Variants in GALNTL6 observed in about 807,000 individuals in gnomAD.
The protein encoded by GALNTL6 is polypeptide N-acetylgalactosaminyltransferase like 6, also known as polypeptide N-acetylgalactosaminyltransferase-like 6.
GALNTL6 carries 46 observed loss-of-function variants against 73.7 expected under a neutral mutation model. The observed-to-expected ratio is 0.62, with a 90% CI of 0.49 to 0.80. The LOEUF (loss-of-function observed/expected upper bound fraction) is 0.80. Among genes scored for constraint, GALNTL6 ranks in the 30% least tolerant of loss-of-function variants. The pLI is 0.00. For synonymous variants in GALNTL6, 259 were observed against 263.7 expected, an observed-to-expected ratio of 0.98 and a Z score of 0.17; for missense variants, 604 against 755.0, an observed-to-expected ratio of 0.80 and a Z score of 2.34.
chr4:171,906,549 A>G (rs12650690), intron 2 of GALNTL6, among the ~76,000 whole-genome samples: 89,776 of 151,782 alleles, frequency 0.59, 28,567 homozygotes, highest in African/African-American at 0.85. Context: ...ATTCACAGCC[A>G]AATTCTACCA....
intron 2 of GALNTL6, among the ~76,000 whole-genome samples, chr4:172,170,906 T>A (rs1320803174): frequency 6.6e-6 from 1 of 152,248 alleles, no homozygotes. Context: ...TTTACATATG[T>A]GCATGGTGAT....
At chr4:172,624,744 A>C (rs1560841859) in intron 5 of GALNTL6, among the ~76,000 whole-genome samples, 1 of 151,032 alleles carries the variant, frequency 6.6e-6, no homozygotes, top group Non-Finnish European at 1.5e-5. Flanking sequence ...TGTATTCATC[A>C]CCTTGTTTTC....
intron 12 of GALNTL6, among the ~76,000 whole-genome samples, chr4:173,031,908 G>A (rs2126534978): frequency 6.6e-6 from 1 of 152,306 alleles, no homozygotes; most frequent in South Asian, 2.1e-4. Context: ...TCAGAAGGGT[G>A]AAGAAGCCTT....
intron 5 of GALNTL6, among the ~76,000 whole-genome samples, chr4:172,685,065 G>A (rs1429331028): frequency 1.3e-5 from 2 of 151,960 alleles, no homozygotes; most frequent in African/African-American, 2.4e-5. Flanking sequence ...CACATATTAA[G>A]CATTCTATTA....
chr4:172,585,418 C>T (rs1338671096), intron 5 of GALNTL6, among the ~76,000 whole-genome samples: 1 of 152,140 alleles, frequency 6.6e-6, no homozygotes, highest in African/African-American at 2.4e-5. Flanking sequence ...CCCTCCACCT[C>T]CTGACACGCC....
At chr4:172,379,994 G>A (rs1230765572) in intron 5 of GALNTL6, 1 of 862,216 alleles carries the variant, frequency 1.2e-6, no homozygotes, top group African/African-American at 1.7e-5. Flanking sequence ...TGGCAGAACA[G>A]GAGAAGTGAT....
intron 7 of GALNTL6, among the ~76,000 whole-genome samples, chr4:172,879,905 ACACT>A (rs1745371267): frequency 6.6e-6 from 1 of 151,912 alleles, no homozygotes; most frequent in Non-Finnish European, 1.5e-5. Flanking sequence ...AATGATACAA[ACACT>A]TTAACATTAT....
chr4:171,914,986 A>T (rs1406528001), intron 2 of GALNTL6, among the ~76,000 whole-genome samples: 1 of 151,512 alleles, frequency 6.6e-6, no homozygotes, highest in Non-Finnish European at 1.5e-5. Context: ...ATATTTCTGT[A>T]TCTATTTTTC....
At chr4:172,635,667 C>CATATG (rs1739638533) in intron 5 of GALNTL6, among the ~76,000 whole-genome samples, 1 of 152,082 alleles carries the variant, frequency 6.6e-6, no homozygotes, top group South Asian at 2.1e-4. Flanking sequence ...TTTAAACATT[C>CATATG]CTTGTAAAAC....
chr4:173,011,008 C>T (rs1752530172), intron 11 of GALNTL6, among the ~76,000 whole-genome samples: 1 of 152,156 alleles, frequency 6.6e-6, no homozygotes, highest in African/African-American at 2.4e-5. Context: ...TCCGTATCCT[C>T]AACAGCATTT....
intron 2 of GALNTL6, among the ~76,000 whole-genome samples, chr4:172,055,786 A>C (rs776506473): frequency 6.6e-6 from 1 of 152,178 alleles, no homozygotes; most frequent in African/African-American, 2.4e-5. Context: ...AACGTGGGCC[A>C]GTTATCAGGG....
At chr4:172,969,036 G>A (rs945953793) in intron 10 of GALNTL6, among the ~76,000 whole-genome samples, 5 of 152,068 alleles carry the variant, frequency 3.3e-5, no homozygotes, top group South Asian at 2.1e-4. Flanking sequence ...TTCAAAATGA[G>A]CTAAAACAAT....
At chr4:173,011,096 C>T (rs115759733) in intron 11 of GALNTL6, among the ~76,000 whole-genome samples, 2,028 of 152,250 alleles carry the variant, frequency 0.013, 18 homozygotes, top group Non-Finnish European at 0.022. Flanking sequence ...ATCTGCATTT[C>T]TTTGATGATC....
chr4:172,730,975 G>T (rs1337308704), intron 5 of GALNTL6, among the ~76,000 whole-genome samples: 1 of 151,910 alleles, frequency 6.6e-6, no homozygotes, highest in African/African-American at 2.4e-5. Context: ...AGCTACTTGG[G>T]AGGCTGAGGC....
chr4:172,163,509 A>T (rs1283236437), intron 2 of GALNTL6, among the ~76,000 whole-genome samples: 1 of 152,040 alleles, frequency 6.6e-6, no homozygotes, highest in African/African-American at 2.4e-5. Flanking sequence ...ACAAAGCTTG[A>T]ATTATAGTTC....
rs147130900 is a variant in GALNTL6 at position 172,586,583 on chromosome 4, G to T, written c.554-222778G>T. On this transcript the variant is annotated intron_variant, in intron 5 of 12. Coordinates refer to ENST00000506823, the MANE Select transcript of GALNTL6 (RefSeq NM_001034845.3). ...GGAGTGAGACATGAACAAAATGTAG[G>T]CTGTGGAGGACTATATCTGGATGCA... 5.3e-5 allele frequency among the ~76,000 whole-genome samples: 8 copies of T among 152,272 alleles called. No individual in the cohort carries two copies. In the East Asian group the frequency reaches 1.5e-3, roughly 29 times the overall value.
chr4:172,071,424 C>T (rs56331319), intron 2 of GALNTL6, among the ~76,000 whole-genome samples: 102,888 of 108,560 alleles, frequency 0.95, 50,571 homozygotes, highest in Middle Eastern at 1. Flanking sequence ...ATTATCCTGT[C>T]AGAACCCCTG....
intron 2 of GALNTL6, among the ~76,000 whole-genome samples, chr4:172,103,197 G>A (rs1050010786): frequency 2.6e-5 from 4 of 152,254 alleles, no homozygotes; most frequent in African/African-American, 7.2e-5. Flanking sequence ...GACCTGCCAG[G>A]TAAATTCTTC....
intron 10 of GALNTL6, among the ~76,000 whole-genome samples, chr4:172,985,741 A>G (rs1751261955): frequency 6.6e-6 from 1 of 152,234 alleles, no homozygotes. Flanking sequence ...GGTGGGAACC[A>G]CAAGACCAGA....
Sources: gnomAD v4.1 joint callset for allele counts (sites outside exome capture counted in the v4.1 genomes callset) on GRCh38, gnomAD v4.1.1 for gene constraint, MANE v1.5 for transcripts, NCBI Gene and HGNC (gene_info 2026-07-23, HGNC 2026-07-21) for gene names.